Variants in ZC3H7B observed in about 807,000 individuals in gnomAD.
The protein encoded by ZC3H7B is zinc finger CCCH domain-containing protein 7B.
A neutral mutation model predicts 116.0 loss-of-function variants in ZC3H7B; 35 were observed. That is an observed-to-expected ratio of 0.30 (90% CI 0.23 to 0.40). The LOEUF is 0.40. Among genes scored for constraint, ZC3H7B ranks in the 10% least tolerant of loss-of-function variants. ZC3H7B has a pLI of 1.00. For synonymous variants in ZC3H7B, 502 were observed against 545.6 expected, an observed-to-expected ratio of 0.92 and a Z score of 1.11; for missense variants, 1,011 against 1,321.5, an observed-to-expected ratio of 0.77 and a Z score of 3.64.
At chr22:41,316,293 A>ATT (rs1242446099) in intron 1 of ZC3H7B, among the ~76,000 whole-genome samples, 2,741 of 113,254 alleles carry the variant, frequency 0.024, 79 homozygotes, top group African/African-American at 0.079. Context: ...ATGCCTGGCC[A>ATT]TTTTTTTTTT....
chr22:41,355,877 G>C lies in ZC3H7B; in HGVS notation c.2274+15G>C, dbSNP rs773259212. The C allele has an allele frequency of 2.5e-6, 4 of 1,612,966 alleles. No homozygotes were observed. The highest frequency in any genetic ancestry group is 1.1e-5 in the South Asian group (1 of 90,982). ...AGCAATACGATGTGAGCGCTGGGAT[G>C]GGGGGCTGGGGGTCCCCCAGGAGGC... On this transcript the variant is annotated intron_variant, in intron 19 of 22. Transcript: ENST00000352645.
At chr22:41,313,899 A>G (rs991330496) in intron 1 of ZC3H7B, among the ~76,000 whole-genome samples, 14 of 149,432 alleles carry the variant, frequency 9.4e-5, no homozygotes, top group African/African-American at 3.4e-4. Flanking sequence ...GGCACCCGCC[A>G]TCATGCCTGG....
intron 2 of ZC3H7B, among the ~76,000 whole-genome samples, chr22:41,324,019 G>T (rs561696329): frequency 3.9e-5 from 6 of 152,022 alleles, no homozygotes; most frequent in Non-Finnish European, 7.4e-5. Context: ...GCAGTGAGCC[G>T]AGATTGGGCC....
chr22:41,344,154 C>T (rs547003091), intron 13 of ZC3H7B, among the ~76,000 whole-genome samples: 2 of 152,356 alleles, frequency 1.3e-5, no homozygotes, highest in South Asian at 2.1e-4. Flanking sequence ...TTGCTAAGGC[C>T]TTCCCAGTGT....
intron 5 of ZC3H7B, among the ~76,000 whole-genome samples, chr22:41,328,950 G>T (rs1467956116): frequency 6.6e-6 from 1 of 151,244 alleles, no homozygotes; most frequent in Non-Finnish European, 1.5e-5. Context: ...ACTTTGGGAG[G>T]CCGAGGCGGG....
In ZC3H7B at chr22:41,305,073, G is replaced by GC. The variant is rs906983496; in HGVS notation, c.-7+3302dup. Among the ~76,000 whole-genome samples the GC allele has an allele frequency of 3.3e-5, 5 of 152,300 alleles. No individual in the cohort carries two copies. In the East Asian group the frequency reaches 9.6e-4, roughly 29 times the overall value. On this transcript the variant is annotated intron_variant, in intron 1 of 22. Transcript: ENST00000352645. The stretch of plus-strand genomic sequence containing the variant: ...CTAAAAACACAAAAATTGGCCGGCT[G>GC]CGGTGGCTCACGCCTGTAATCCCAG...
At chr22:41,341,017 G>C in intron 10 of ZC3H7B, 71 bp from the exon 11 acceptor site, 1 of 1,486,548 alleles carries the variant, frequency 6.7e-7, no homozygotes. Flanking sequence ...AATACATAAG[G>C]GGAAGCCCTA....
intron 13 of ZC3H7B, among the ~76,000 whole-genome samples, chr22:41,344,188 C>T (rs1414628526): frequency 6.6e-6 from 1 of 152,198 alleles, no homozygotes; most frequent in East Asian, 1.9e-4. Flanking sequence ...CACCAGCATG[C>T]AGCCTCACAG....
chr22:41,341,156 T>C lies in ZC3H7B; in HGVS notation c.1197+10T>C, dbSNP rs140092680. The C allele has an allele frequency of 1.9e-5, 30 of 1,613,890 alleles. No individual in the cohort carries two copies. In the African/African-American group the frequency reaches 2.7e-4, roughly 14 times the overall value. On this transcript the variant is annotated intron_variant, in intron 11 of 22. Transcript: ENST00000352645. ...GAAACCAGCCCCCTCGGTGAGTGACTTGAGTGGGGATCCAGGCCTCTCATT... is the reference window on the plus strand; with the variant it reads ...GAAACCAGCCCCCTCGGTGAGTGACCTGAGTGGGGATCCAGGCCTCTCATT...
At chr22:41,333,189 A>G (rs1004398969) in intron 7 of ZC3H7B, 1 of 152,196 alleles carries the variant, frequency 6.6e-6, no homozygotes, top group African/African-American at 2.4e-5. Context: ...GCTTTGCAGC[A>G]CTTTCTTTCA....
At position 41,320,690 on chromosome 22, in the gene ZC3H7B, C is replaced by G. The variant is rs752066519; in HGVS notation, c.30C>G (p.Ile10Met). Residue 10 changes from isoleucine (I) to methionine (M), a missense_variant, in exon 2 of 23, where the codon ATC (isoleucine) becomes ATG (methionine). Ile to Met is a conservative substitution (Grantham distance 10). Transcript: ENST00000352645. MERQKRKAD[I>M]EKGLQFIQST... Reference sequence around the variant, plus strand: ...AGAGGCAGAAACGGAAGGCGGACATCGAGAAAGGGCTGCAGTTCATTCAGT... The same window carrying G: ...AGAGGCAGAAACGGAAGGCGGACATGGAGAAAGGGCTGCAGTTCATTCAGT... 1 of 1,613,348 alleles carries G rather than the reference C, an allele frequency of 6.2e-7. No homozygotes were observed. Among genetic ancestry groups the G allele is most frequent in the Non-Finnish European group, 8.5e-7 (1 of 1,179,646 alleles).
chr22:41,325,746 A>G lies in ZC3H7B; in HGVS notation c.113A>G (p.Asn38Ser), dbSNP rs1332619268. The change falls in exon 4 of 23, where the codon AAT becomes AGT. Residue 38 changes from asparagine (N) to serine (S), a missense_variant. Asn to Ser is a conservative substitution (Grantham distance 46). Coordinates refer to ENST00000352645, the MANE Select transcript of ZC3H7B (RefSeq NM_017590.6). ...GCCTTTCTGCTCAAGCTGGTGCAGA[A>G]TCTGTTTGCTGAGGGCAATGATCTG... ...YEAFLLKLVQ[N>S]LFAEGNDLFR... is the part of the protein sequence containing the mutation. 2.5e-6 allele frequency: 4 copies of G among 1,613,720 alleles called. No individual in the cohort carries two copies. The Admixed American group carries it at 6.7e-5, about 27-fold the overall frequency.
At chr22:41,325,966 C>T in intron 4 of ZC3H7B, 48 bp downstream of exon 4, 1 of 1,555,922 alleles carries the variant, frequency 6.4e-7, no homozygotes, top group Non-Finnish European at 8.7e-7. Context: ...CCCTGATCCC[C>T]TGGATGCCCA....
At chr22:41,329,872 A>T (rs1381097179) in intron 5 of ZC3H7B, 151 bp from the exon 6 acceptor site, 7 of 576,296 alleles carry the variant, frequency 1.2e-5, no homozygotes, top group Non-Finnish European at 1.7e-5. Flanking sequence ...TGTGACTTGG[A>T]CAAGCCAGGG....
chr22:41,345,020 G>A (rs911188736), intron 13 of ZC3H7B, among the ~76,000 whole-genome samples: 1 of 151,990 alleles, frequency 6.6e-6, no homozygotes, highest in African/African-American at 2.4e-5. Context: ...TTAATTTGTT[G>A]CCCAGCCTGG....
intron 1 of ZC3H7B, among the ~76,000 whole-genome samples, chr22:41,316,407 A>G (rs951606075): frequency 1.5e-5 from 2 of 135,898 alleles, no homozygotes; most frequent in African/African-American, 5.6e-5. Context: ...GCAATTCTCC[A>G]GCATCACCGT....
chr22:41,332,359 T>G, intron 7 of ZC3H7B, 132 bp downstream of exon 7: 1 of 1,097,120 alleles, frequency 9.1e-7, no homozygotes, highest in Non-Finnish European at 1.4e-6. Flanking sequence ...ACCTCCCGTG[T>G]CCACGGGGGC....
intron 17 of ZC3H7B, among the ~76,000 whole-genome samples, chr22:41,353,588 G>A (rs2036679799): frequency 6.6e-6 from 1 of 152,226 alleles, no homozygotes; most frequent in Admixed American, 6.5e-5. Context: ...GTGCCATCCA[G>A]GCATGAGCAC....
At chr22:41,350,479 C>T (rs888884351) in intron 16 of ZC3H7B, among the ~76,000 whole-genome samples, 7 of 151,960 alleles carry the variant, frequency 4.6e-5, no homozygotes, top group Non-Finnish European at 8.8e-5. Context: ...GAGGGTGGCT[C>T]GGGCCAGGGT....
Sources: allele counts gnomAD v4.1 joint callset (sites outside exome capture counted in the v4.1 genomes callset), GRCh38; gene constraint gnomAD v4.1.1; transcripts MANE v1.5; gene names NCBI Gene and HGNC (gene_info 2026-07-23, HGNC 2026-07-21).